ZNF804B: variants seen among roughly 807,000 people sequenced by gnomAD.
The protein encoded by ZNF804B is zinc finger 804B.
ZNF804B carries 80 observed loss-of-function variants against 101.4 expected under a neutral mutation model. That is an observed-to-expected ratio of 0.79 (90% CI 0.66 to 0.95). ZNF804B has a LOEUF of 0.95. Among genes scored for constraint, ZNF804B ranks in the 40% least tolerant of loss-of-function variants. ZNF804B has a pLI of 0.00. For missense variants in ZNF804B, 1,673 were observed against 1,561.9 expected (o/e 1.07, Z -1.20); for synonymous variants, 622 against 558.8 (o/e 1.11, Z -1.59).
intron 1 of ZNF804B, among the ~76,000 whole-genome samples, chr7:88,828,021 A>G (rs933667684): frequency 6.6e-6 from 1 of 152,156 alleles, no homozygotes; most frequent in East Asian, 1.9e-4. Flanking sequence ...CACAATGCAT[A>G]TTTAAAACAC....
intron 2 of ZNF804B, among the ~76,000 whole-genome samples, chr7:89,298,344 C>T (rs1220222436): frequency 6.9e-6 from 1 of 145,596 alleles, no homozygotes; most frequent in Non-Finnish European, 1.5e-5. Flanking sequence ...CACCCATCAA[C>T]CCATCATCTA....
chr7:89,031,115 C>T (rs1788825924), intron 1 of ZNF804B, among the ~76,000 whole-genome samples: 1 of 151,598 alleles, frequency 6.6e-6, no homozygotes. Context: ...CACATGTATA[C>T]TTATGTAACA....
chr7:88,763,291 G>A (rs1789925728), intron 1 of ZNF804B, among the ~76,000 whole-genome samples: 1 of 152,068 alleles, frequency 6.6e-6, no homozygotes, highest in South Asian at 2.1e-4. Context: ...TGGAATTGTT[G>A]TAATAAATTC....
At chr7:89,312,731 T>C (rs1790663828) in intron 2 of ZNF804B, among the ~76,000 whole-genome samples, 1 of 151,818 alleles carries the variant, frequency 6.6e-6, no homozygotes, top group Non-Finnish European at 1.5e-5. Flanking sequence ...CTGTGATGCA[T>C]GCCTGTAGTC....
chr7:88,790,620 T>G (rs1268760514), intron 1 of ZNF804B, among the ~76,000 whole-genome samples: 1 of 152,140 alleles, frequency 6.6e-6, no homozygotes, highest in East Asian at 1.9e-4. Context: ...TTTTTCTGTA[T>G]AGTATATATT....
chr7:89,143,649 C>G (rs1202094922), intron 1 of ZNF804B, among the ~76,000 whole-genome samples: 1 of 151,918 alleles, frequency 6.6e-6, no homozygotes, highest in African/African-American at 2.4e-5. Context: ...CTAATCTTCA[C>G]CATAAATTTG....
intron 1 of ZNF804B, among the ~76,000 whole-genome samples, chr7:89,097,942 A>C (rs1349330512): frequency 6.6e-6 from 1 of 152,124 alleles, no homozygotes; most frequent in Non-Finnish European, 1.5e-5. Flanking sequence ...ATTATGTCAT[A>C]TTGCTTAGCT....
chr7:89,075,995 A>G (rs1789611213), intron 1 of ZNF804B, among the ~76,000 whole-genome samples: 1 of 152,148 alleles, frequency 6.6e-6, no homozygotes, highest in Admixed American at 6.5e-5. Flanking sequence ...AGCTGTATTT[A>G]CCCAGTGCCT....
intron 2 of ZNF804B, among the ~76,000 whole-genome samples, chr7:89,322,500 T>C (rs1215178877): frequency 6.6e-6 from 1 of 152,088 alleles, no homozygotes; most frequent in Non-Finnish European, 1.5e-5. Context: ...CTGGTTCCTT[T>C]AAAATATTAA....
intron 1 of ZNF804B, among the ~76,000 whole-genome samples, chr7:88,819,701 AT>A (rs1243067226): frequency 6.6e-6 from 1 of 152,214 alleles, no homozygotes; most frequent in African/African-American, 2.4e-5. Flanking sequence ...CCCTTCAATA[AT>A]TATATGAAGA....
chr7:89,276,647 T>A (rs1584098913), intron 2 of ZNF804B, among the ~76,000 whole-genome samples: 1 of 152,062 alleles, frequency 6.6e-6, no homozygotes, highest in Non-Finnish European at 1.5e-5. Context: ...TCATAAAAAA[T>A]TCAGTAAATG....
chr7:88,995,691 G>T (rs1332424120), intron 1 of ZNF804B, among the ~76,000 whole-genome samples: 2 of 152,020 alleles, frequency 1.3e-5, no homozygotes, highest in African/African-American at 4.8e-5. Context: ...TCCAAAGAGT[G>T]CTGTATGGAA....
chr7:89,252,936 G>C (rs1789564562), intron 2 of ZNF804B, among the ~76,000 whole-genome samples: 1 of 152,132 alleles, frequency 6.6e-6, no homozygotes. Flanking sequence ...CAGTAACTGG[G>C]TGACGGGAAT....
At chr7:89,240,350 G>A (rs574411086) in intron 2 of ZNF804B, among the ~76,000 whole-genome samples, 32 of 152,106 alleles carry the variant, frequency 2.1e-4, no homozygotes, top group African/African-American at 7.2e-4. Context: ...TTCCCTTTTG[G>A]TTATGTGAGC....
chr7:89,146,122 A>G (rs1036293652), intron 1 of ZNF804B, among the ~76,000 whole-genome samples: 1 of 152,090 alleles, frequency 6.6e-6, no homozygotes, highest in South Asian at 2.1e-4. Flanking sequence ...AAACATCTGC[A>G]AACATCAGTA....
chr7:88,951,348 CA>C (rs766124976), intron 1 of ZNF804B, among the ~76,000 whole-genome samples: 2 of 151,736 alleles, frequency 1.3e-5, no homozygotes, highest in Non-Finnish European at 3.0e-5. Flanking sequence ...AACCATTGGT[CA>C]GTAATTATGC....
intron 1 of ZNF804B, among the ~76,000 whole-genome samples, chr7:89,059,447 A>G (rs1789343150): frequency 2.0e-5 from 3 of 152,056 alleles, no homozygotes; most frequent in Non-Finnish European, 4.4e-5. Flanking sequence ...AGCCAGAGAG[A>G]GAAAAGGAGG....
At chr7:89,162,975 C>T (rs1270378549) in intron 1 of ZNF804B, among the ~76,000 whole-genome samples, 1 of 151,128 alleles carries the variant, frequency 6.6e-6, no homozygotes, top group African/African-American at 2.4e-5. Context: ...TTTCCAATTT[C>T]ATCCATGTCC....
intron 2 of ZNF804B, among the ~76,000 whole-genome samples, chr7:89,287,911 C>T (rs1024082298): frequency 6.9e-6 from 1 of 144,378 alleles, no homozygotes; most frequent in East Asian, 2.0e-4. Context: ...CAAAGTATTT[C>T]AGATAATTTA....
Sources: gnomAD v4.1 joint callset for allele counts (sites outside exome capture counted in the v4.1 genomes callset) on GRCh38, gnomAD v4.1.1 for gene constraint, MANE v1.5 for transcripts, NCBI Gene and HGNC (gene_info 2026-07-23, HGNC 2026-07-21) for gene names.